Variants in CFH observed in about 807,000 individuals in gnomAD.
The protein encoded by CFH is complement factor H, also known as H factor 1 (complement).
A neutral mutation model predicts 147.3 loss-of-function variants in CFH; 53 were observed. The ratio of observed to expected loss-of-function variants is 0.36; its 90% confidence interval spans 0.29 to 0.45. CFH has a LOEUF of 0.45. CFH is among the 20% of genes least tolerant of loss of function. The probability of loss-of-function intolerance (pLI) is 1.00; values close to 1 mark genes in which losing one functional copy is unlikely to be tolerated. For synonymous variants in CFH, 536 were observed against 489.4 expected, an observed-to-expected ratio of 1.10 and a Z score of -1.26; for missense variants, 1,380 against 1,498.0, an observed-to-expected ratio of 0.92 and a Z score of 1.30.
chr1:196,686,591 A>G (rs1185142798), intron 7 of CFH, among the ~76,000 whole-genome samples: 1 of 152,136 alleles, frequency 6.6e-6, no homozygotes, highest in Non-Finnish European at 1.5e-5. Context: ...GATACAAATG[A>G]TTGATTAATG....
Position 196,672,991 on chromosome 1 carries a change from T to A in CFH, c.72T>A (p.Leu24=), listed in dbSNP as rs1667334953. ...AICVAEDCNE[L]PPRRNTEILT... is the part of the protein sequence containing the mutation. ...TATTGTTTGTAGATTGCAATGAACT[T>A]CCTCCAAGAAGAAATACAGAAATTC... Residue 24 remains leucine (L), a synonymous_variant, in exon 2 of 22, where the codon CTT becomes CTA. Coordinates refer to ENST00000367429, the MANE Select transcript of CFH (RefSeq NM_000186.4). 6.2e-7 allele frequency: 1 copy of A among 1,613,860 alleles called. No homozygotes were observed. Among genetic ancestry groups the A allele is most frequent in the Non-Finnish European group, 8.5e-7 (1 of 1,179,942 alleles).
intron 15 of CFH, among the ~76,000 whole-genome samples, chr1:196,729,628 T>C (rs1322388540): frequency 6.6e-6 from 1 of 152,006 alleles, no homozygotes; most frequent in Non-Finnish European, 1.5e-5. Context: ...AAAAATGATC[T>C]CCTCATCAAA....
chr1:196,710,450 C>A (rs1668699900), intron 9 of CFH, among the ~76,000 whole-genome samples: 1 of 152,164 alleles, frequency 6.6e-6, no homozygotes, highest in African/African-American at 2.4e-5. Flanking sequence ...GTTTTCTCTT[C>A]TATTCTTCCA....
At chr1:196,741,450 C>A in intron 18 of CFH, 1 of 221,822 alleles carries the variant, frequency 4.5e-6, no homozygotes, top group South Asian at 6.2e-5. Flanking sequence ...AGAACTCACT[C>A]ACCATCGTGA....
At chr1:196,726,353 A>G (rs773944537) in intron 12 of CFH, 117 bp from the exon 13 acceptor site, 4 of 784,936 alleles carry the variant, frequency 5.1e-6, no homozygotes, top group Non-Finnish European at 8.5e-6. Context: ...AGGATGCTAT[A>G]ATAAGTTACA....
chr1:196,680,602 G>A (rs752996805), intron 6 of CFH, among the ~76,000 whole-genome samples: 1 of 151,862 alleles, frequency 6.6e-6, no homozygotes, highest in African/African-American at 2.4e-5. Flanking sequence ...TATAAAATAA[G>A]TGGGTTTGCT....
intron 11 of CFH, among the ~76,000 whole-genome samples, chr1:196,724,216 G>A (rs543980018): frequency 2.2e-4 from 34 of 152,034 alleles, no homozygotes; most frequent in Non-Finnish European, 4.1e-4. Flanking sequence ...GGTCCAGCCA[G>A]CTATGGGTGA....
chr1:196,688,929 C>A (rs1179445426), intron 7 of CFH, among the ~76,000 whole-genome samples: 1 of 151,932 alleles, frequency 6.6e-6, no homozygotes. Context: ...CAATCTAAAA[C>A]AAATAAAAAC....
intron 7 of CFH, among the ~76,000 whole-genome samples, chr1:196,687,642 A>G (rs1424235043): frequency 2.0e-5 from 3 of 152,096 alleles, no homozygotes; most frequent in African/African-American, 4.8e-5. Flanking sequence ...CACAAATCCA[A>G]GACTCAAGCT....
intron 9 of CFH, among the ~76,000 whole-genome samples, chr1:196,697,876 C>G (rs1345632304): frequency 6.6e-6 from 1 of 151,696 alleles, no homozygotes; most frequent in Non-Finnish European, 1.5e-5. Context: ...AAGCTGGAAA[C>G]CATCATTCTC....
chr1:196,725,429 C>T (rs931886069), intron 12 of CFH, 132 bp downstream of exon 12: 1 of 826,600 alleles, frequency 1.2e-6, no homozygotes, highest in South Asian at 1.6e-5. Flanking sequence ...CTGTGAAGGA[C>T]ATGTATTGAG....
At chr1:196,724,029 G>A (rs36014159) in intron 11 of CFH, among the ~76,000 whole-genome samples, 1,861 of 152,122 alleles carry the variant, frequency 0.012, 23 homozygotes, top group Non-Finnish European at 0.022. Context: ...CAAACACCGC[G>A]TCTGCGTGTC....
chr1:196,707,916 A>G (rs905048091), intron 9 of CFH, among the ~76,000 whole-genome samples: 3 of 152,188 alleles, frequency 2.0e-5, no homozygotes, highest in African/African-American at 7.2e-5. Flanking sequence ...TGCTTAAGCC[A>G]TATATTTACT....
At chr1:196,707,293 A>C (rs139192754) in intron 9 of CFH, among the ~76,000 whole-genome samples, 9 of 152,322 alleles carry the variant, frequency 5.9e-5, no homozygotes, top group African/African-American at 1.9e-4. Context: ...AAAATTTTAC[A>C]TGGGAGATCA....
At chr1:196,679,815 G>C in intron 6 of CFH, 22 bp downstream of exon 6, 1 of 1,598,128 alleles carries the variant, frequency 6.3e-7, no homozygotes, top group Non-Finnish European at 8.6e-7. Context: ...TTTATTTTCT[G>C]GATCTTTATA....
In CFH at chr1:196,746,207, A is replaced by C. The variant is rs372163587; in HGVS notation, c.3493+208A>C. ...ACACCTGTAATCCCAGCACTTTGGG[A>C]GGCTGAGGCGGGCAGATCACGAGGT... On this transcript the variant is annotated intron_variant, in intron 21 of 21. Transcript: ENST00000367429. Among the ~76,000 whole-genome samples the C allele has an allele frequency of 2.0e-5, 3 of 152,136 alleles. No individual in the cohort carries two copies. The East Asian group carries it at 5.8e-4, about 29-fold the overall frequency.
chr1:196,746,038 G>T (rs1160114130), intron 21 of CFH, 39 bp downstream of exon 21: 1 of 1,613,862 alleles, frequency 6.2e-7, no homozygotes, highest in Non-Finnish European at 8.5e-7. Context: ...AAAAATCTCT[G>T]TGATGAGTCT....
At chr1:196,715,284 A>G (rs1264427597) in intron 10 of CFH, among the ~76,000 whole-genome samples, 11 of 152,056 alleles carry the variant, frequency 7.2e-5, no homozygotes, top group Non-Finnish European at 2.9e-5. Context: ...AAAATAATGT[A>G]TACCTGTAAT....
chr1:196,710,874 A>C (rs987490808), intron 9 of CFH, among the ~76,000 whole-genome samples: 4 of 152,100 alleles, frequency 2.6e-5, no homozygotes, highest in Admixed American at 2.6e-4. Context: ...CAATTTGTTT[A>C]ATAGACAGAA....
Sources: gnomAD v4.1 joint callset for allele counts (sites outside exome capture counted in the v4.1 genomes callset) on GRCh38, gnomAD v4.1.1 for gene constraint, MANE v1.5 for transcripts, NCBI Gene and HGNC (gene_info 2026-07-23, HGNC 2026-07-21) for gene names.